ASAP3: variants seen among roughly 807,000 people sequenced by gnomAD.
ASAP3 encodes the protein arf-GAP with SH3 domain, ANK repeat and PH domain-containing protein 3.
Under a neutral mutation model 118.2 loss-of-function variants are expected in ASAP3, and 85 were observed. The observed-to-expected ratio is 0.72, with a 90% CI of 0.60 to 0.86. The LOEUF is 0.86. Among genes scored for constraint, ASAP3 ranks in the 40% least tolerant of loss-of-function variants. ASAP3 has a pLI of 0.00. For synonymous variants in ASAP3, 432 were observed against 477.4 expected, an observed-to-expected ratio of 0.90 and a Z score of 1.24; for missense variants, 1,026 against 1,175.0, an observed-to-expected ratio of 0.87 and a Z score of 1.85.
At chr1:23,465,007 A>C (rs1416577854) in intron 1 of ASAP3, among the ~76,000 whole-genome samples, 2 of 152,162 alleles carry the variant, frequency 1.3e-5, no homozygotes, top group African/African-American at 4.8e-5. Flanking sequence ...CAGGTACCTG[A>C]TGTGATCTCT....
chr1:23,458,649 A>G (rs1641466208), intron 1 of ASAP3, among the ~76,000 whole-genome samples: 1 of 152,070 alleles, frequency 6.6e-6, no homozygotes, highest in Non-Finnish European at 1.5e-5. Flanking sequence ...CTTACTAAAG[A>G]GACAAAGAGG....
chr1:23,431,843 G>C lies in ASAP3; in HGVS notation c.2399C>G (p.Ser800Cys), dbSNP rs781127739. 4.0e-5 allele frequency: 64 copies of C among 1,591,458 alleles called. No homozygotes were observed. The highest frequency in any genetic ancestry group is 5.5e-5 in the Non-Finnish European group (64 of 1,173,098). ...PESLGSPASS[S>C]SLMSPLEPGD... Reference sequence around the variant, plus strand: ...AGGTTCCAAGGGGCTCATCAGACTGGAGGAGGAGGCTGGACTGCCCAGGCT... The same window carrying C: ...AGGTTCCAAGGGGCTCATCAGACTGCAGGAGGAGGCTGGACTGCCCAGGCT... Residue 800 changes from serine (S) to cysteine (C), a missense_variant, in exon 23 of 25, where the codon TCC becomes TGC. Transcript: ENST00000336689.
At chr1:23,441,613 C>T in intron 8 of ASAP3, 42 bp downstream of exon 8, 1 of 1,611,490 alleles carries the variant, frequency 6.2e-7, no homozygotes, top group South Asian at 1.1e-5. Context: ...CCTGGAAGGA[C>T]AGGGGGCTTG....
Position 23,433,515 on chromosome 1 carries a change from C to A in ASAP3, c.2037G>T (p.Ala679=). The change falls in exon 21 of 25, where the codon GCG becomes GCT. Residue 679 remains alanine (A), a synonymous_variant. Coordinates refer to ENST00000336689, the MANE Select transcript of ASAP3 (RefSeq NM_017707.4). The stretch of plus-strand genomic sequence containing the variant: ...CATGTAGAGGGAAGGCAAAGGTCCC[C>A]GCCTGGGCCTGCTCCAGCTGCCAAA... ...ECEELLEQAQ[A]GTFAFPLHVD... is the part of the protein sequence containing the mutation. The A allele has an allele frequency of 6.2e-7, 1 of 1,614,160 alleles. No individual in the cohort carries two copies. Among genetic ancestry groups the A allele is most frequent in the Non-Finnish European group, 8.5e-7 (1 of 1,180,016 alleles).
At chr1:23,444,069 A>T (rs1350204135) in intron 5 of ASAP3, among the ~76,000 whole-genome samples, 1 of 151,906 alleles carries the variant, frequency 6.6e-6, no homozygotes, top group Non-Finnish European at 1.5e-5. Flanking sequence ...GAGTTTCACC[A>T]TGTTGGCCAG....
intron 1 of ASAP3, among the ~76,000 whole-genome samples, chr1:23,456,751 G>A (rs1399103873): frequency 6.6e-6 from 1 of 152,194 alleles, no homozygotes; most frequent in African/African-American, 2.4e-5. Context: ...TCAATAAACA[G>A]TTATGTCAGG....
chr1:23,431,820 G>A lies in ASAP3; in HGVS notation c.2422C>T (p.Pro808Ser), dbSNP rs751800679. ...GGTGGGGCTTGGCTGGGATCCCCAGGTTCCAAGGGGCTCATCAGACTGGAG... is the reference window on the plus strand; with the variant it reads ...GGTGGGGCTTGGCTGGGATCCCCAGATTCCAAGGGGCTCATCAGACTGGAG... ...SSSSLMSPLE[P>S]GDPSQAPPNS... The change falls in exon 23 of 25, where the codon CCT becomes TCT. Residue 808 changes from proline (P) to serine (S), a missense_variant. By Grantham distance (74) the Pro-to-Ser change is moderately conservative (BLOSUM62 -1). Transcript: ENST00000336689. 6.4e-7 allele frequency: 1 copy of A among 1,569,020 alleles called. No homozygotes were observed. Among genetic ancestry groups the A allele is most frequent in the Non-Finnish European group, 8.6e-7 (1 of 1,163,990 alleles).
At chr1:23,455,664 A>G (rs930427299) in intron 3 of ASAP3, among the ~76,000 whole-genome samples, 1 of 151,956 alleles carries the variant, frequency 6.6e-6, no homozygotes. Context: ...GAAGAGAAGG[A>G]GGAGAACAGA....
Position 23,431,962 on chromosome 1 carries a change from C to G in ASAP3, c.2324-44G>C. ...GAAATGATAAAGCTTTTCTTTATCA[C>G]TTGCTCTGTGCCCAACCTCAAAGCA... On this transcript the variant is annotated intron_variant, in intron 22 of 24. Transcript: ENST00000336689. The G allele has an allele frequency of 2.0e-6, 3 of 1,519,256 alleles. No individual in the cohort carries two copies. The South Asian group carries it at 3.4e-5, about 17-fold the overall frequency. The allele number at this position is 1,519,256 out of a possible 1,614,324, so 94.1% of individuals were successfully genotyped here.
chr1:23,460,271 C>CTGA (rs1458691669), intron 1 of ASAP3, among the ~76,000 whole-genome samples: 1 of 152,126 alleles, frequency 6.6e-6, no homozygotes, highest in South Asian at 2.1e-4. Flanking sequence ...CTTTGGGAGG[C>CTGA]TGAGGCTGGT....
intron 1 of ASAP3, among the ~76,000 whole-genome samples, chr1:23,479,438 C>A (rs963062013): frequency 2.6e-5 from 4 of 152,270 alleles, no homozygotes; most frequent in African/African-American, 4.8e-5. Flanking sequence ...CCTCAATATT[C>A]TTCTCTGACG....
intron 5 of ASAP3, among the ~76,000 whole-genome samples, chr1:23,446,329 C>T (rs773063650): frequency 1.3e-5 from 2 of 152,156 alleles, no homozygotes; most frequent in Admixed American, 1.3e-4. Flanking sequence ...ACTGTAGTCC[C>T]CCCTTCTCTG....
chr1:23,438,460 G>T lies in ASAP3; in HGVS notation c.1102+287C>A, dbSNP rs1229805312. 1.3e-5 allele frequency among the ~76,000 whole-genome samples: 2 copies of T among 152,076 alleles called. No homozygotes were observed. The highest frequency in any genetic ancestry group is 2.4e-5 in the African/African-American group (1 of 41,406). On this transcript the variant is annotated intron_variant, in intron 12 of 24. Transcript: ENST00000336689. The surrounding 1 kb of genome is among the most constrained non-coding windows in gnomAD (Gnocchi z 4.9). ...CAAGTCTGGGTATTTGGGAAAAAAA[G>T]GTAAAATTTTAAAAAAAGAAATAAT...
chr1:23,433,050 A>T (rs1640495071), intron 22 of ASAP3, 27 bp downstream of exon 22: 1 of 1,612,354 alleles, frequency 6.2e-7, no homozygotes, highest in Non-Finnish European at 8.5e-7. Flanking sequence ...TGGCATGGTG[A>T]GCATTTATCT....
At chr1:23,434,205 A>C in intron 19 of ASAP3, 49 bp downstream of exon 19, 1 of 1,574,614 alleles carries the variant, frequency 6.4e-7, no homozygotes, top group African/African-American at 1.3e-5. Context: ...AGTCCACATA[A>C]GGGGTAGTCA....
rs2297841 is a variant in ASAP3, at chr1:23,437,656, C to G, written c.1103-184G>C. Among the ~76,000 whole-genome samples the G allele has an allele frequency of 0.75, 113,809 of 152,012 alleles. 44,554 individuals carry two copies. Among genetic ancestry groups the G allele is most frequent in the Middle Eastern group, 0.89 (261 of 294 alleles). ...CAGCACCAGGGGCAGTTTCTCAGAA[C>G]TGGCCTCCGAAGTAGGATCCCAACA... On this transcript the variant is annotated intron_variant, in intron 12 of 24. Coordinates refer to ENST00000336689, the MANE Select transcript of ASAP3 (RefSeq NM_017707.4). The surrounding 1 kb of genome is among the most constrained non-coding windows in gnomAD (Gnocchi z 6.1).
Position 23,441,056 on chromosome 1 carries a change from T to C in ASAP3, c.944+46A>G, listed in dbSNP as rs773664294. On this transcript the variant is annotated intron_variant, in intron 10 of 24. Coordinates refer to ENST00000336689, the MANE Select transcript of ASAP3 (RefSeq NM_017707.4). Reference sequence around the variant, plus strand: ...CAGCTTCCCCAACCCTGTCATTTACTTGCAGTGTGACATTGGGCAAATTAT... The same window carrying C: ...CAGCTTCCCCAACCCTGTCATTTACCTGCAGTGTGACATTGGGCAAATTAT... The C allele has an allele frequency of 4.5e-6, 7 of 1,549,114 alleles. No individual in the cohort carries two copies. In the African/African-American group the frequency reaches 9.5e-5, roughly 21 times the overall value.
intron 1 of ASAP3, among the ~76,000 whole-genome samples, chr1:23,473,974 C>CTTTTTTTTTTTTTTTTTTTTTTTTTTT (rs10664798): frequency 1.4e-5 from 1 of 72,108 alleles, no homozygotes; most frequent in African/African-American, 6.8e-5. Context: ...TAAATCTGCT[C>CTTTTTTTTTTTTTTTTTTTTTTTTTTT]TTTTTTTTTT....
chr1:23,437,267 A>C lies in ASAP3; in HGVS notation c.1205T>G (p.Leu402Arg). ...SKDEALSSAF[L>R]GEPSAGPGSW... ...CCCCGGGCCAGCGCTGGGCTCCCCG[A>C]GGAAGGCGCTGCTCAGGGCTTCGTC... Residue 402 changes from leucine (L) to arginine (R), a missense_variant, in exon 14 of 25, where the codon CTC (leucine) becomes CGC (arginine). Coordinates refer to ENST00000336689, the MANE Select transcript of ASAP3 (RefSeq NM_017707.4). This position sits in a 1 kb window ranked among gnomAD's most constrained non-coding sequence, Gnocchi z 6.1. 2 of 1,598,066 alleles carry C rather than the reference A, an allele frequency of 1.3e-6. No individual in the cohort carries two copies. Among genetic ancestry groups the C allele is most frequent in the Non-Finnish European group, 1.7e-6 (2 of 1,172,592 alleles).
Sources: gnomAD v4.1 joint callset for allele counts (sites outside exome capture counted in the v4.1 genomes callset) on GRCh38, gnomAD v4.1.1 for gene constraint, Gnocchi (gnomAD v3.1) non-coding constraint, MANE v1.5 for transcripts, NCBI Gene and HGNC (gene_info 2026-07-23, HGNC 2026-07-21) for gene names.